RELN: variants seen among roughly 807,000 people sequenced by gnomAD.
The protein encoded by RELN is reelin.
A neutral mutation model predicts 427.6 loss-of-function variants in RELN; 108 were observed. That is an observed-to-expected ratio of 0.25 (90% CI 0.22 to 0.30). The LOEUF is 0.30. RELN is among the 10% of genes least tolerant of loss of function. The probability of loss-of-function intolerance (pLI) is 1.00; values close to 1 mark genes in which losing one functional copy is unlikely to be tolerated. For missense variants in RELN, 3,715 were observed against 4,302.8 expected, an observed-to-expected ratio of 0.86 and a Z score of 3.82; for synonymous variants, 1,524 against 1,513.4, an observed-to-expected ratio of 1.01 and a Z score of -0.16.
At chr7:103,822,975 C>G (rs1448579549) in intron 3 of RELN, among the ~76,000 whole-genome samples, 1 of 151,884 alleles carries the variant, frequency 6.6e-6, no homozygotes, top group Non-Finnish European at 1.5e-5. Context: ...TTTCATAATA[C>G]TACCTGCAAT....
intron 4 of RELN, among the ~76,000 whole-genome samples, chr7:103,769,524 C>T (rs1204782225): frequency 6.6e-6 from 1 of 152,052 alleles, no homozygotes; most frequent in Non-Finnish European, 1.5e-5. Context: ...TATCAATTAC[C>T]GAGTCTGTGG....
intron 1 of RELN, among the ~76,000 whole-genome samples, chr7:103,983,406 A>G (rs1002576023): frequency 6.6e-6 from 1 of 152,252 alleles, no homozygotes; most frequent in African/African-American, 2.4e-5. Flanking sequence ...TCTGAGCCAC[A>G]TAACTGACAC....
chr7:103,697,790 A>G, intron 10 of RELN, 63 bp downstream of exon 10: 1 of 1,610,756 alleles, frequency 6.2e-7, no homozygotes, highest in Non-Finnish European at 8.5e-7. Context: ...TGGTTTATTG[A>G]GCTTCACTTT....
chr7:103,879,590 C>A (rs971125300), intron 2 of RELN, among the ~76,000 whole-genome samples: 4 of 152,186 alleles, frequency 2.6e-5, no homozygotes, highest in Non-Finnish European at 5.9e-5. Context: ...CTTCCTGCAA[C>A]ATGTGAATAG....
rs786200988 is a variant in RELN at position 103,604,433 on chromosome 7, T to TCTTGAG, written c.3053_3058dup (p.Ala1018_Gln1019dup). 8 of 1,613,908 alleles carry TCTTGAG rather than the reference T, an allele frequency of 5.0e-6. No individual in the cohort carries two copies. The highest frequency in any genetic ancestry group is 6.8e-6 in the Non-Finnish European group (8 of 1,179,874). On this transcript the variant is annotated inframe_insertion, in exon 23 of 65. Transcript: ENST00000428762. Reference sequence around the variant, plus strand: ...GTAAATGCTGTCCAAAGCCCACTCGTCTTGAGCTGTGTAATAGCTCTGGCT... The same window carrying TCTTGAG: ...GTAAATGCTGTCCAAAGCCCACTCGTCTTGAGCTTGAGCTGTGTAATAGCTCTGGCT...
intron 6 of RELN, among the ~76,000 whole-genome samples, chr7:103,731,852 TTTTA>T (rs1235889240): frequency 1.7e-4 from 26 of 152,274 alleles, no homozygotes; most frequent in African/African-American, 5.8e-4. Flanking sequence ...TAACAAGATG[TTTTA>T]TTTAACTCAA....
At chr7:103,867,851 T>C (rs578239457) in intron 2 of RELN, among the ~76,000 whole-genome samples, 1 of 151,932 alleles carries the variant, frequency 6.6e-6, no homozygotes, top group Non-Finnish European at 1.5e-5. Flanking sequence ...TAAAACAATG[T>C]GTACCAATCA....
At chr7:103,615,849 G>A (rs1832067982) in intron 20 of RELN, among the ~76,000 whole-genome samples, 1 of 152,144 alleles carries the variant, frequency 6.6e-6, no homozygotes, top group Non-Finnish European at 1.5e-5. Context: ...AATGAATACC[G>A]ACAAGGTTTT....
At chr7:103,643,544 G>T (rs1832736064) in intron 16 of RELN, among the ~76,000 whole-genome samples, 2 of 151,786 alleles carry the variant, frequency 1.3e-5, no homozygotes, top group Non-Finnish European at 2.9e-5. Flanking sequence ...TTGCTATGTT[G>T]TCCTGGAGTA....
chr7:103,482,805 C>T lies in RELN; in HGVS notation c.10280+68G>A. The T allele has an allele frequency of 1.2e-6, 2 of 1,612,150 alleles. 1 individual carries two copies. Among genetic ancestry groups the T allele is most frequent in the South Asian group, 2.2e-5 (2 of 90,646 alleles). On this transcript the variant is annotated intron_variant, in intron 63 of 64. Transcript: ENST00000428762. ...AAACGGATCTTACTGAATTAAGGGT[C>T]ATGCTATATCAAAGGAATTTCAAAC...
intron 24 of RELN, among the ~76,000 whole-genome samples, chr7:103,602,145 C>T (rs79545781): frequency 6.6e-6 from 1 of 152,176 alleles, no homozygotes; most frequent in African/African-American, 2.4e-5. Flanking sequence ...AGAAGTGCTT[C>T]CTATATGTTA....
chr7:103,558,292 G>C (rs1830568450), intron 36 of RELN, among the ~76,000 whole-genome samples: 1 of 152,076 alleles, frequency 6.6e-6, no homozygotes, highest in Admixed American at 6.5e-5. Flanking sequence ...ACTTTTCTGT[G>C]ACTCTTCTAA....
At chr7:103,502,597 A>T (rs962106971) in intron 52 of RELN, among the ~76,000 whole-genome samples, 3 of 152,230 alleles carry the variant, frequency 2.0e-5, no homozygotes, top group Middle Eastern at 3.2e-3. Flanking sequence ...TGGTAGAAAT[A>T]GCATGATGAG....
chr7:103,696,529 G>A (rs1833979323), intron 10 of RELN, among the ~76,000 whole-genome samples: 1 of 152,056 alleles, frequency 6.6e-6, no homozygotes, highest in Non-Finnish European at 1.5e-5. Flanking sequence ...CCTTTTCAAT[G>A]AACAGCACCT....
intron 24 of RELN, among the ~76,000 whole-genome samples, chr7:103,602,148 A>G (rs1016113161): frequency 2.6e-5 from 4 of 152,308 alleles, no homozygotes; most frequent in South Asian, 4.1e-4. Context: ...AGTGCTTCCT[A>G]TATGTTATGA....
intron 6 of RELN, among the ~76,000 whole-genome samples, chr7:103,734,237 G>A (rs181803062): frequency 6.6e-6 from 1 of 152,278 alleles, no homozygotes; most frequent in East Asian, 1.9e-4. Flanking sequence ...GAAGAAGGAA[G>A]TTTTCAATAA....
chr7:103,619,857 A>T (rs1003716706), intron 20 of RELN, among the ~76,000 whole-genome samples: 10 of 151,626 alleles, frequency 6.6e-5, no homozygotes, highest in Non-Finnish European at 1.5e-4. Flanking sequence ...GGAAAGTAAG[A>T]GTGTGTGTAT....
intron 7 of RELN, among the ~76,000 whole-genome samples, chr7:103,724,464 G>T (rs931959719): frequency 6.6e-6 from 1 of 152,098 alleles, no homozygotes; most frequent in Non-Finnish European, 1.5e-5. Context: ...GTGACTGAAC[G>T]TGTGCTTTAA....
intron 20 of RELN, among the ~76,000 whole-genome samples, chr7:103,623,474 TGTCA>T (rs1355917170): frequency 6.6e-6 from 1 of 152,192 alleles, no homozygotes; most frequent in Admixed American, 6.5e-5. Flanking sequence ...TATAAAAGAT[TGTCA>T]GTAATTTTTT....
Sources: gnomAD v4.1 joint callset for allele counts (sites outside exome capture counted in the v4.1 genomes callset) on GRCh38, gnomAD v4.1.1 for gene constraint, MANE v1.5 for transcripts, NCBI Gene and HGNC (gene_info 2026-07-23, HGNC 2026-07-21) for gene names.